Variants in CLSTN2 observed in about 807,000 individuals in gnomAD.
CLSTN2 encodes calsyntenin-2.
A neutral mutation model predicts 101.2 loss-of-function variants in CLSTN2; 48 were observed. That is an observed-to-expected ratio of 0.47 (90% CI 0.38 to 0.60). The LOEUF is 0.60. Ranked by LOEUF, CLSTN2 falls within the 20% of genes least tolerant of loss-of-function variation. The pLI is 0.00. For missense variants in CLSTN2, 1,160 were observed against 1,238.2 expected (o/e 0.94, Z 0.95); for synonymous variants, 481 against 463.6 (o/e 1.04, Z -0.48).
At chr3:140,203,711 T>C (rs959031338) in intron 2 of CLSTN2, among the ~76,000 whole-genome samples, 9 of 152,256 alleles carry the variant, frequency 5.9e-5, no homozygotes, top group East Asian at 1.9e-4. Flanking sequence ...TTTAATGGAC[T>C]TAGCTGACAA....
chr3:140,126,195 C>T (rs1326300389), intron 1 of CLSTN2, among the ~76,000 whole-genome samples: 1 of 151,974 alleles, frequency 6.6e-6, no homozygotes, highest in Non-Finnish European at 1.5e-5. Flanking sequence ...AATCCATTCT[C>T]ATGGATGTTT....
chr3:140,564,297 C>A, intron 16 of CLSTN2, 152 bp downstream of exon 16: 2 of 651,712 alleles, frequency 3.1e-6, no homozygotes, highest in Admixed American at 2.8e-5. Context: ...TGTCTCTGAG[C>A]TCCTCTAGCC....
At chr3:140,547,259 A>T (rs1004539136) in intron 10 of CLSTN2, among the ~76,000 whole-genome samples, 9 of 151,874 alleles carry the variant, frequency 5.9e-5, no homozygotes, top group African/African-American at 2.2e-4. Flanking sequence ...GTGGATCACA[A>T]GGTCAGTAGT....
intron 1 of CLSTN2, among the ~76,000 whole-genome samples, chr3:139,994,377 C>A (rs983549891): frequency 6.6e-6 from 1 of 152,226 alleles, no homozygotes; most frequent in Admixed American, 6.5e-5. Flanking sequence ...TTAATCCTTA[C>A]ACAACCTTGG....
At chr3:140,139,848 C>A (rs541261140) in intron 1 of CLSTN2, among the ~76,000 whole-genome samples, 1 of 152,290 alleles carries the variant, frequency 6.6e-6, no homozygotes. Flanking sequence ...TGATGTGTCC[C>A]AAATGATCTT....
chr3:140,536,376 C>A (rs527948232), intron 9 of CLSTN2, among the ~76,000 whole-genome samples: 1 of 152,238 alleles, frequency 6.6e-6, no homozygotes, highest in South Asian at 2.1e-4. Flanking sequence ...CTCTGAGCCT[C>A]TCATCTAAGA....
intron 1 of CLSTN2, among the ~76,000 whole-genome samples, chr3:140,128,080 A>G (rs1429513981): frequency 6.6e-6 from 1 of 152,200 alleles, no homozygotes; most frequent in Non-Finnish European, 1.5e-5. Flanking sequence ...TGGTTTAGGA[A>G]CTGCCTGAAA....
chr3:140,264,332 T>C (rs1379391702), intron 2 of CLSTN2, among the ~76,000 whole-genome samples: 1 of 144,932 alleles, frequency 6.9e-6, no homozygotes, highest in African/African-American at 2.6e-5. Context: ...AGTTCAGGCA[T>C]GAGTTACAGA....
chr3:140,077,858 A>T (rs1162717685), intron 1 of CLSTN2, among the ~76,000 whole-genome samples: 1 of 135,232 alleles, frequency 7.4e-6, no homozygotes, highest in Non-Finnish European at 1.5e-5. Context: ...CCTCTCTAGC[A>T]TTTAACTGTT....
intron 8 of CLSTN2, among the ~76,000 whole-genome samples, chr3:140,522,553 T>C (rs950164622): frequency 3.9e-5 from 6 of 152,190 alleles, no homozygotes; most frequent in Non-Finnish European, 8.8e-5. Context: ...ATAAGGCTGT[T>C]GGAGTAAAGA....
In CLSTN2 at chr3:140,347,958, G is replaced by GTC. The variant is rs538131681; in HGVS notation, c.233-55671_233-55670insTC. On this transcript the variant is annotated intron_variant, in intron 2 of 16. Coordinates refer to ENST00000458420, the MANE Select transcript of CLSTN2 (RefSeq NM_022131.3). ...GGCTGAAAATTGGCTAAGCAGGAAG[G>GTC]ATGCTCTGATGAGTTAGCATTGACT... Among the ~76,000 whole-genome samples, 217 of 152,340 alleles carry GTC rather than the reference G, an allele frequency of 1.4e-3. 1 individual carries two copies. The highest frequency in any genetic ancestry group is 3.7e-3 in the Admixed American group (57 of 15,304).
intron 16 of CLSTN2, among the ~76,000 whole-genome samples, chr3:140,565,489 T>C (rs535602491): frequency 1.3e-5 from 2 of 152,180 alleles, no homozygotes; most frequent in South Asian, 4.2e-4. Flanking sequence ...GGGTACAGCC[T>C]GAGGACACAA....
chr3:140,192,620 G>A (rs866674511), intron 2 of CLSTN2, among the ~76,000 whole-genome samples: 53 of 151,336 alleles, frequency 3.5e-4, no homozygotes, highest in African/African-American at 1.1e-3. Flanking sequence ...TAGTCACACC[G>A]CTTTCCTCTG....
chr3:140,526,643 CA>C (rs78227756), intron 8 of CLSTN2, among the ~76,000 whole-genome samples: 66 of 131,994 alleles, frequency 5.0e-4, no homozygotes, highest in Non-Finnish European at 9.4e-4. Context: ...ACAACAACAA[CA>C]AAAAAAAAAC....
At chr3:140,111,797 C>T (rs1320936304) in intron 1 of CLSTN2, among the ~76,000 whole-genome samples, 1 of 152,132 alleles carries the variant, frequency 6.6e-6, no homozygotes, top group Non-Finnish European at 1.5e-5. Flanking sequence ...TTATAGACTG[C>T]CCCCTCTGCA....
At chr3:140,062,907 T>A (rs1197018318) in intron 1 of CLSTN2, among the ~76,000 whole-genome samples, 1 of 152,204 alleles carries the variant, frequency 6.6e-6, no homozygotes, top group Non-Finnish European at 1.5e-5. Context: ...AGCATAAAGA[T>A]TCTTAATCAG....
intron 2 of CLSTN2, among the ~76,000 whole-genome samples, chr3:140,371,760 A>G (rs938887962): frequency 6.6e-6 from 1 of 152,214 alleles, no homozygotes; most frequent in African/African-American, 2.4e-5. Flanking sequence ...TTATGGTCCA[A>G]TAGCAGGCAG....
At chr3:140,176,902 G>A (rs1296781698) in intron 2 of CLSTN2, among the ~76,000 whole-genome samples, 3 of 152,238 alleles carry the variant, frequency 2.0e-5, no homozygotes, top group Non-Finnish European at 4.4e-5. Flanking sequence ...GTGCCAGGCT[G>A]AGGTTTTCAC....
Position 140,205,618 on chromosome 3 carries a change from G to GCTCC in CLSTN2, c.232+29546_232+29547insTCCC, listed in dbSNP as rs1553721844. Among the ~76,000 whole-genome samples the GCTCC allele has an allele frequency of 4.5e-5, 3 of 67,172 alleles. 1 individual carries two copies. The highest frequency in any genetic ancestry group is 1.1e-4 in the Non-Finnish European group (3 of 27,136). The allele number at this position is 67,172 out of a possible 152,430, so 44.1% of individuals were successfully genotyped here. On this transcript the variant is annotated intron_variant, in intron 2 of 16. Coordinates refer to ENST00000458420, the MANE Select transcript of CLSTN2 (RefSeq NM_022131.3). The stretch of plus-strand genomic sequence containing the variant: ...TACAGTTGTTGTTTGGACCTGACCC[G>GCTCC]CCCCCCACCCACACACACACACAGC...
Sources: gnomAD v4.1 joint callset for allele counts (sites outside exome capture counted in the v4.1 genomes callset) on GRCh38, gnomAD v4.1.1 for gene constraint, MANE v1.5 for transcripts, NCBI Gene and HGNC (gene_info 2026-07-23, HGNC 2026-07-21) for gene names.